LMO4: variants seen among roughly 807,000 people sequenced by gnomAD.
The protein encoded by LMO4 is LIM domain transcription factor LMO4.
In LMO4, 3 loss-of-function variants were observed where a neutral mutation model predicts 18.5. That is an observed-to-expected ratio of 0.16 (90% CI 0.07 to 0.42). The LOEUF (loss-of-function observed/expected upper bound fraction) is 0.42. Ranked by LOEUF, LMO4 falls within the 10% of genes least tolerant of loss-of-function variation. The pLI is 0.99. For missense variants in LMO4, 121 were observed against 219.9 expected (o/e 0.55, Z 2.84); for synonymous variants, 100 against 88.1 (o/e 1.14, Z -0.76).
intron 1 of LMO4, chr1:87,331,774 G>A: frequency 1.8e-6 from 1 of 549,758 alleles, no homozygotes. Context: ...GCGCAGGAAA[G>A]TTGAGAGGAG....
At chr1:87,332,386 G>A (rs1650183026) in intron 2 of LMO4, 135 bp downstream of exon 2, 2 of 660,524 alleles carry the variant, frequency 3.0e-6, no homozygotes, top group African/African-American at 3.6e-5. Context: ...CTAGTTGGCG[G>A]AATTTAAGGG....
rs566077428 is a variant in LMO4, at chr1:87,332,189, C to A, written c.174C>A (p.Gly58=). The stretch of plus-strand genomic sequence containing the variant: ...GCTCCTGCTGCCAGGCGCAGCTGGG[C>A]GACATCGGCACGTCCTGTTACACCA... ...LKCSCCQAQL[G]DIGTSCYTKS... The change falls in exon 2 of 5, where the codon GGC becomes GGA. Residue 58 remains glycine (G), a synonymous_variant. Transcript: ENST00000370544. 6.2e-7 allele frequency: 1 copy of A among 1,614,198 alleles called. No individual in the cohort carries two copies. Among genetic ancestry groups the A allele is most frequent in the African/African-American group, 1.3e-5 (1 of 75,046 alleles).
At chr1:87,344,693 T>G (rs1650581346) in intron 4 of LMO4, 95 bp from the exon 5 acceptor site, 1 of 1,198,138 alleles carries the variant, frequency 8.3e-7, no homozygotes, top group Non-Finnish European at 1.2e-6. Flanking sequence ...AAAAGAAGAT[T>G]AGTGAATGTG....
At chr1:87,329,999 G>C (rs1650087657) in intron 1 of LMO4, among the ~76,000 whole-genome samples, 1 of 146,214 alleles carries the variant, frequency 6.8e-6, no homozygotes, top group South Asian at 2.1e-4. Flanking sequence ...TAACTTAAAA[G>C]CTTTCTTTTT....
At chr1:87,339,887 G>C (rs182061129) in intron 3 of LMO4, among the ~76,000 whole-genome samples, 160 bp from the exon 4 acceptor site, 20 of 152,226 alleles carry the variant, frequency 1.3e-4, no homozygotes, top group African/African-American at 4.8e-4. Flanking sequence ...TAGCAATTTG[G>C]CTTACTGTTT....
intron 2 of LMO4, among the ~76,000 whole-genome samples, chr1:87,337,076 C>A (rs1000525030): frequency 1.3e-5 from 2 of 152,170 alleles, no homozygotes; most frequent in African/African-American, 2.4e-5. Context: ...TGTATAGACA[C>A]GTAAGTTATT....
At chr1:87,336,170 A>G (rs1650306302) in intron 2 of LMO4, among the ~76,000 whole-genome samples, 2 of 152,160 alleles carry the variant, frequency 1.3e-5, no homozygotes, top group Non-Finnish European at 2.9e-5. Context: ...TTTCTTTGTT[A>G]CATTTAATAT....
At chr1:87,330,161 G>A (rs1342457955) in intron 1 of LMO4, among the ~76,000 whole-genome samples, 11 of 151,560 alleles carry the variant, frequency 7.3e-5, no homozygotes, top group African/African-American at 2.7e-4. Flanking sequence ...TAGCTAATGG[G>A]GTTACTGGAT....
intron 2 of LMO4, among the ~76,000 whole-genome samples, chr1:87,337,044 C>T (rs1416686615): frequency 6.6e-6 from 1 of 152,168 alleles, no homozygotes; most frequent in Non-Finnish European, 1.5e-5. Flanking sequence ...GCCTTCCTCT[C>T]TGGTAAAAGG....
At position 87,346,127 on chromosome 1, in the gene LMO4, T is replaced by G. The variant is rs1228511384; in HGVS notation, c.*1331T>G. 6.6e-6 allele frequency: 1 copy of G among 152,252 alleles called. No homozygotes were observed. The highest frequency in any genetic ancestry group is 1.5e-5 in the Non-Finnish European group (1 of 68,054). The allele number at this position is 152,252 out of a possible 1,614,324, so 9.4% of individuals were successfully genotyped here. A position where few individuals can be genotyped will look rare whatever the true frequency, so the allele number is the denominator to read the frequency against. On this transcript the variant is annotated 3_prime_UTR_variant, in exon 5 of 5. Transcript: ENST00000370544. ...TGAAGTAGCCATTTCCTGGTGACCC[T>G]TAGGCTCGTGTGGTTGGCTGTAAGG...
In LMO4 at chr1:87,332,118, C is replaced by A; in HGVS notation, c.103C>A (p.Leu35Met). The part of the protein sequence containing the change: ...GCGGKIADRF[L>M]LYAMDSYWHS... ...CGGGGGCAAGATTGCGGACCGCTTTCTGCTCTATGCCATGGACAGCTATTG... is the reference window on the plus strand; with the variant it reads ...CGGGGGCAAGATTGCGGACCGCTTTATGCTCTATGCCATGGACAGCTATTG... Residue 35 changes from leucine (L) to methionine (M), a missense_variant, in exon 2 of 5, where the codon CTG becomes ATG. By Grantham distance (15) the Leu-to-Met change is conservative. Transcript: ENST00000370544. The A allele has an allele frequency of 6.2e-7, 1 of 1,614,216 alleles. No individual in the cohort carries two copies. The highest frequency in any genetic ancestry group is 8.5e-7 in the Non-Finnish European group (1 of 1,180,046).
chr1:87,330,766 G>C (rs1650116357), intron 1 of LMO4, among the ~76,000 whole-genome samples: 1 of 152,170 alleles, frequency 6.6e-6, no homozygotes, highest in South Asian at 2.1e-4. Flanking sequence ...GCTTACAGAG[G>C]ACAAAGACAA....
Position 87,344,983 on chromosome 1 carries a change from A to T in LMO4, c.*187A>T, listed in dbSNP as rs990136038. The T allele has an allele frequency of 1.9e-6, 1 of 519,190 alleles. No homozygotes were observed. The highest frequency in any genetic ancestry group is 3.4e-6 in the Non-Finnish European group (1 of 292,918). The allele number at this position is 519,190 out of a possible 1,614,324, so 32.2% of individuals were successfully genotyped here. On this transcript the variant is annotated 3_prime_UTR_variant, in exon 5 of 5. Transcript: ENST00000370544. ...GGTGTATTAAAATGACTGAATATGA[A>T]CATTAAGGACTCCATGAACCTGGGC...
chr1:87,342,006 G>T (rs370700537), intron 4 of LMO4, among the ~76,000 whole-genome samples: 8 of 152,156 alleles, frequency 5.3e-5, no homozygotes, highest in Middle Eastern at 3.2e-3. Flanking sequence ...GAAAAAATAT[G>T]CTAGAAATAA....
chr1:87,344,939 T>C lies in LMO4; in HGVS notation c.*143T>C. 1.3e-6 allele frequency: 1 copy of C among 743,858 alleles called. No individual in the cohort carries two copies. The allele number at this position is 743,858 out of a possible 1,614,324, so 46.1% of individuals were successfully genotyped here. A position where few individuals can be genotyped will look rare whatever the true frequency, so the allele number is the denominator to read the frequency against. On this transcript the variant is annotated 3_prime_UTR_variant, in exon 5 of 5. Transcript: ENST00000370544. The stretch of plus-strand genomic sequence containing the variant: ...CCATTGCACCTTCTTTAGTCTTGAT[T>C]GCCCTTCCCGCATTTATTGGTGTAT...
intron 1 of LMO4, among the ~76,000 whole-genome samples, chr1:87,330,022 T>TC (rs1256511885): frequency 1.6e-3 from 233 of 148,744 alleles, no homozygotes; most frequent in Non-Finnish European, 2.6e-3. Context: ...TTTTTTTTTT[T>TC]CCAACTCTAA....
At chr1:87,340,634 A>C (rs574699291) in intron 4 of LMO4, among the ~76,000 whole-genome samples, 2 of 152,346 alleles carry the variant, frequency 1.3e-5, no homozygotes, top group South Asian at 4.1e-4. Flanking sequence ...TAGGAATAGC[A>C]ATCTGGACAC....
intron 2 of LMO4, among the ~76,000 whole-genome samples, chr1:87,336,449 A>G (rs1650316035): frequency 6.6e-6 from 1 of 152,240 alleles, no homozygotes. Context: ...CCTATTGGTC[A>G]TTGAAGTTAC....
Position 87,339,573 on chromosome 1 carries a change from C to G in LMO4, c.274C>G (p.Gln92Glu). The G allele has an allele frequency of 6.2e-7, 1 of 1,613,948 alleles. No individual in the cohort carries two copies. Among genetic ancestry groups the G allele is most frequent in the Non-Finnish European group, 8.5e-7 (1 of 1,179,922 alleles). Residue 92 changes from glutamine (Q) to glutamate (E), a missense_variant, in exon 3 of 5, where the codon CAG (glutamine) becomes GAG (glutamate). Transcript: ENST00000370544. Reference protein sequence around the residue: ...GNSGACSACGQSIPASELVMR... With the variant: ...GNSGACSACGESIPASELVMR... Reference sequence around the variant, plus strand: ...TAGCGGTGCTTGCAGCGCTTGCGGACAGTCGATTCCTGCGAGTGAACTCGT... The same window carrying G: ...TAGCGGTGCTTGCAGCGCTTGCGGAGAGTCGATTCCTGCGAGTGAACTCGT...
Sources: gnomAD v4.1 joint callset for allele counts (sites outside exome capture counted in the v4.1 genomes callset) on GRCh38, gnomAD v4.1.1 for gene constraint, MANE v1.5 for transcripts, NCBI Gene and HGNC (gene_info 2026-07-23, HGNC 2026-07-21) for gene names.